LUC7L2: variants seen among roughly 807,000 people sequenced by gnomAD.
The protein encoded by LUC7L2 is putative RNA-binding protein Luc7-like 2.
In LUC7L2, 25 loss-of-function variants were observed where a neutral mutation model predicts 52.8. The observed-to-expected ratio is 0.47, with a 90% CI of 0.34 to 0.66. The LOEUF is 0.66. Among genes scored for constraint, LUC7L2 ranks in the 30% least tolerant of loss-of-function variants. The probability of loss-of-function intolerance (pLI) is 0.01; values close to 1 mark genes in which losing one functional copy is unlikely to be tolerated. For synonymous variants in LUC7L2, 144 were observed against 160.9 expected (o/e 0.89, Z 0.80); for missense variants, 328 against 497.8 (o/e 0.66, Z 3.25).
At chr7:139,354,100 A>T (rs1048744321) in intron 1 of LUC7L2, among the ~76,000 whole-genome samples, 1 of 145,960 alleles carries the variant, frequency 6.9e-6, no homozygotes, top group Non-Finnish European at 1.5e-5. Context: ...TGGGCAATAG[A>T]GACTCGGTCT....
At chr7:139,407,898 CTTG>C (rs1245288594) in intron 6 of LUC7L2, among the ~76,000 whole-genome samples, 2 of 152,258 alleles carry the variant, frequency 1.3e-5, no homozygotes, top group South Asian at 2.1e-4. Context: ...AGTTTTTACT[CTTG>C]TTGTTTAGAG....
intron 2 of LUC7L2, among the ~76,000 whole-genome samples, chr7:139,378,535 A>G (rs1344889858): frequency 6.6e-6 from 1 of 152,090 alleles, no homozygotes; most frequent in Admixed American, 6.6e-5. Flanking sequence ...TGATCACACC[A>G]GTGTACTCTA....
At chr7:139,372,582 C>T (rs2131206073) in intron 1 of LUC7L2, among the ~76,000 whole-genome samples, 1 of 152,100 alleles carries the variant, frequency 6.6e-6, no homozygotes, top group East Asian at 1.9e-4. Flanking sequence ...TGAAGTACTA[C>T]CTAATTGAAA....
intron 5 of LUC7L2, among the ~76,000 whole-genome samples, 194 bp downstream of exon 5, chr7:139,405,981 G>GTGC (rs1462083727): frequency 1.3e-5 from 2 of 152,224 alleles, no homozygotes; most frequent in Non-Finnish European, 2.9e-5. Context: ...GGTTGTGGTG[G>GTGC]TGCGTGCCTT....
At chr7:139,414,616 TC>T (rs1369453752) in intron 8 of LUC7L2, among the ~76,000 whole-genome samples, 1 of 152,240 alleles carries the variant, frequency 6.6e-6, no homozygotes, top group Admixed American at 6.5e-5. Flanking sequence ...TACCTGGTCA[TC>T]CTGCCTGTAA....
intron 2 of LUC7L2, among the ~76,000 whole-genome samples, chr7:139,394,362 CATGGCATGCCTTCCCCA>C (rs1159857769): frequency 6.6e-6 from 1 of 152,184 alleles, no homozygotes; most frequent in Non-Finnish European, 1.5e-5. Context: ...GCATCTTCCC[CATGGCATGCCTTCCCCA>C]AAAGGCTACT....
chr7:139,344,738 T>C (rs887337301), intron 1 of LUC7L2, among the ~76,000 whole-genome samples: 1 of 148,492 alleles, frequency 6.7e-6, no homozygotes, highest in African/African-American at 2.5e-5. Flanking sequence ...AGTCTCCTTC[T>C]GTTACCCAGA....
At chr7:139,359,611 C>T (rs1035699671), upstream of LUC7L2, 5 of 395,076 alleles carry the variant, frequency 1.3e-5, no homozygotes, top group Non-Finnish European at 4.5e-6. Flanking sequence ...TAATTTGGGT[C>T]TGAATCGCCA....
chr7:139,371,468 A>C, intron 1 of LUC7L2: 1 of 1,495,664 alleles, frequency 6.7e-7, no homozygotes, highest in African/African-American at 1.4e-5. Context: ...GAATGGGTAA[A>C]GTAAAATTTT....
intron 1 of LUC7L2, 107 bp downstream of exon 1, chr7:139,360,429 C>G (rs1199157981): frequency 1.9e-6 from 2 of 1,026,954 alleles, no homozygotes; most frequent in East Asian, 2.8e-5. Flanking sequence ...GTAAGGGGCT[C>G]CCAGATTGGT....
At chr7:139,364,613 G>T (rs1014463493) in intron 1 of LUC7L2, among the ~76,000 whole-genome samples, 1 of 152,166 alleles carries the variant, frequency 6.6e-6, no homozygotes, top group East Asian at 1.9e-4. Flanking sequence ...AAAACTGAAA[G>T]GATACTCATC....
intron 1 of LUC7L2, among the ~76,000 whole-genome samples, chr7:139,367,541 TACTG>T (rs1386687999): frequency 6.6e-6 from 1 of 152,224 alleles, no homozygotes; most frequent in Non-Finnish European, 1.5e-5. Context: ...ATAATTTCCT[TACTG>T]AGTGGTATTT....
chr7:139,351,730 C>G (rs1363503734), intron 1 of LUC7L2, among the ~76,000 whole-genome samples: 1 of 152,242 alleles, frequency 6.6e-6, no homozygotes, highest in Non-Finnish European at 1.5e-5. Context: ...TTGATTTCAA[C>G]ATTTTGCTGT....
At chr7:139,405,590 AT>A (rs1054726072) in intron 4 of LUC7L2, 53 bp from the exon 5 acceptor site, 1 of 1,520,384 alleles carries the variant, frequency 6.6e-7, no homozygotes, top group Non-Finnish European at 8.8e-7. Flanking sequence ...ATACTTTGAA[AT>A]TTAAAATTCA....
chr7:139,360,166 G>A lies in LUC7L2; in HGVS notation c.-96G>A. ...CGAGGCGGCGGCGGCCACCGAGACA[G>A]CAGCGCACCTTCCCCCATCCCTTCC... On this transcript the variant is annotated 5_prime_UTR_variant, in exon 1 of 10. Transcript: ENST00000354926. The A allele has an allele frequency of 3.2e-6, 3 of 938,478 alleles. No individual in the cohort carries two copies. Among genetic ancestry groups the A allele is most frequent in the Non-Finnish European group, 4.8e-6 (3 of 630,082 alleles). 58.1% of individuals were successfully genotyped at this position (938,478 alleles called of 1,614,324 possible).
At chr7:139,373,081 T>C (rs1157634723) in intron 1 of LUC7L2, among the ~76,000 whole-genome samples, 2 of 152,216 alleles carry the variant, frequency 1.3e-5, no homozygotes, top group Non-Finnish European at 2.9e-5. Context: ...TTGCAGTTCT[T>C]TCTTCTTTTT....
rs567956567 is a variant in LUC7L2 at position 139,376,854 on chromosome 7, T to A, written c.156+698T>A. On this transcript the variant is annotated intron_variant, in intron 2 of 9. Transcript: ENST00000354926. ...AGCTAGTAGGGGCTAAACCTCGAGC[T>A]GGCTTTAGTTCTCATTTGCCAGAAA... is the stretch of plus-strand genomic sequence containing the variant. 5.3e-5 allele frequency among the ~76,000 whole-genome samples: 8 copies of A among 152,346 alleles called. No homozygotes were observed. In the South Asian group the frequency reaches 1.4e-3, roughly 28 times the overall value.
At chr7:139,412,725 G>C (rs1426829207) in intron 8 of LUC7L2, 145 bp downstream of exon 8, 1 of 945,826 alleles carries the variant, frequency 1.1e-6, no homozygotes, top group African/African-American at 1.7e-5. Context: ...CTACTCAAGA[G>C]GCTGAGGCAG....
chr7:139,368,958 G>A (rs1185767519), intron 1 of LUC7L2, among the ~76,000 whole-genome samples: 1 of 151,852 alleles, frequency 6.6e-6, no homozygotes, highest in Non-Finnish European at 1.5e-5. Flanking sequence ...TCATTGGGTT[G>A]TCTATCACCT....
Sources: allele counts gnomAD v4.1 joint callset (sites outside exome capture counted in the v4.1 genomes callset), GRCh38; gene constraint gnomAD v4.1.1; transcripts MANE v1.5; gene names NCBI Gene and HGNC (gene_info 2026-07-23, HGNC 2026-07-21).